LARP4B: variants seen among roughly 807,000 people sequenced by gnomAD.
The protein encoded by LARP4B is la-related protein 4B.
Under a neutral mutation model 89.8 loss-of-function variants are expected in LARP4B, and 12 were observed. The observed-to-expected ratio is 0.13, with a 90% CI of 0.09 to 0.22. LARP4B has a LOEUF of 0.22. LARP4B is among the 10% of genes least tolerant of loss of function. The probability of loss-of-function intolerance (pLI) is 1.00; values close to 1 mark genes in which losing one functional copy is unlikely to be tolerated. For synonymous variants in LARP4B, 367 were observed against 363.3 expected (o/e 1.01, Z -0.12); for missense variants, 757 against 947.7 (o/e 0.80, Z 2.64).
At chr10:880,662 C>T (rs1835634170) in intron 3 of LARP4B, among the ~76,000 whole-genome samples, 1 of 151,680 alleles carries the variant, frequency 6.6e-6, no homozygotes, top group South Asian at 2.1e-4. Context: ...CTATAGCCAG[C>T]CTGAGTAACA....
intron 3 of LARP4B, among the ~76,000 whole-genome samples, chr10:883,947 A>G (rs1234399110): frequency 1.3e-5 from 2 of 152,220 alleles, no homozygotes; most frequent in Admixed American, 6.5e-5. Flanking sequence ...AATTTCCAGT[A>G]GTAGCTCTCT....
chr10:935,144 G>T (rs1188257371), upstream of LARP4B, among the ~76,000 whole-genome samples: 1 of 152,056 alleles, frequency 6.6e-6, no homozygotes, highest in African/African-American at 2.4e-5. Flanking sequence ...GAGCATTTTT[G>T]AAGGTATTGA....
intron 7 of LARP4B, among the ~76,000 whole-genome samples, chr10:839,628 T>C (rs1833415043): frequency 6.6e-6 from 1 of 152,182 alleles, no homozygotes; most frequent in South Asian, 2.1e-4. Context: ...AAACATAAAA[T>C]TAACATGATT....
intron 3 of LARP4B, among the ~76,000 whole-genome samples, chr10:877,654 C>A (rs927696028): frequency 1.3e-5 from 2 of 152,074 alleles, no homozygotes; most frequent in Non-Finnish European, 2.9e-5. Context: ...AGGGGTAAGA[C>A]AGGTGTAGGG....
chr10:847,571 T>C (rs930948014), intron 5 of LARP4B, among the ~76,000 whole-genome samples: 1 of 151,472 alleles, frequency 6.6e-6, no homozygotes, highest in African/African-American at 2.4e-5. Context: ...CAGACTGGAG[T>C]GCAGTAGCGC....
At chr10:915,782 C>T (rs1240435260) in intron 1 of LARP4B, among the ~76,000 whole-genome samples, 1 of 144,996 alleles carries the variant, frequency 6.9e-6, no homozygotes, top group Non-Finnish European at 1.5e-5. Flanking sequence ...GCAGTGAGCC[C>T]AGATGGCGCC....
In LARP4B at chr10:813,113, A is replaced by G. The variant is rs1831834888; in HGVS notation, c.2030T>C (p.Val677Ala). The G allele has an allele frequency of 9.3e-6, 15 of 1,614,076 alleles. No homozygotes were observed. Among genetic ancestry groups the G allele is most frequent in the Admixed American group, 1.7e-5 (1 of 60,030 alleles). Residue 677 changes from valine (V) to alanine (A), a missense_variant, in exon 18 of 18, where the codon GTT becomes GCT. Val to Ala is a moderately conservative substitution (Grantham distance 64). Coordinates refer to ENST00000316157, the MANE Select transcript of LARP4B (RefSeq NM_015155.3). ...QPQKEQKPNT[V>A]GCGKEEKKLA... ...CTTCTTTTCCTCCTTCCCACAACCA[A>G]CAGTGTTTGGCTTTTGTTCTTTTTG...
At chr10:976,920 G>A in the LARP4B span, among the ~76,000 whole-genome samples, 4 of 151,044 alleles carry the variant, frequency 2.6e-5, no homozygotes, top group African/African-American at 4.9e-5. Context: ...GGCCTGTCAC[G>A]TAATGTGCAG....
chr10:930,896 T>TG (rs1280572873), intron 1 of LARP4B, among the ~76,000 whole-genome samples: 2 of 150,980 alleles, frequency 1.3e-5, no homozygotes, highest in Non-Finnish European at 3.0e-5. Context: ...GAGGAGCGAG[T>TG]GGCAAGGCTG....
At chr10:849,030 C>A (rs1588905201) in intron 5 of LARP4B, among the ~76,000 whole-genome samples, 1 of 152,178 alleles carries the variant, frequency 6.6e-6, no homozygotes, top group South Asian at 2.1e-4. Flanking sequence ...CGGCGGCAGA[C>A]TGCCCTGATG....
At chr10:903,237 T>C (rs1240183954) in intron 1 of LARP4B, 1 of 152,236 alleles carries the variant, frequency 6.6e-6, no homozygotes, top group Non-Finnish European at 1.5e-5. Flanking sequence ...GGCTCACTTA[T>C]GCCATCTCTC....
chr10:888,822 C>T (rs1361303514), intron 1 of LARP4B, among the ~76,000 whole-genome samples: 1 of 152,202 alleles, frequency 6.6e-6, no homozygotes, highest in East Asian at 1.9e-4. Flanking sequence ...CGCAGTGGCT[C>T]GCGCCTATAA....
chr10:941,616 C>A, the LARP4B span, among the ~76,000 whole-genome samples: 1 of 152,208 alleles, frequency 6.6e-6, no homozygotes, highest in Non-Finnish European at 1.5e-5. Context: ...CCACTGCACC[C>A]GGCCTGATCT....
At chr10:942,962 T>G in the LARP4B span, among the ~76,000 whole-genome samples, 2 of 151,120 alleles carry the variant, frequency 1.3e-5, no homozygotes, top group African/African-American at 4.9e-5. Context: ...TTTTTTTTTT[T>G]TTGAGACAGA....
At chr10:959,874 T>TC in the LARP4B span, among the ~76,000 whole-genome samples, 12 of 110,064 alleles carry the variant, frequency 1.1e-4, no homozygotes, top group Non-Finnish European at 1.6e-4. Flanking sequence ...TCCTCGTCAA[T>TC]CCACCTCCTC....
At chr10:883,349 T>C (rs1835744411) in intron 3 of LARP4B, among the ~76,000 whole-genome samples, 1 of 152,016 alleles carries the variant, frequency 6.6e-6, no homozygotes, top group South Asian at 2.1e-4. Context: ...ATGTCTCTAC[T>C]GAAAACACAA....
intron 3 of LARP4B, among the ~76,000 whole-genome samples, chr10:868,195 G>A (rs546116958): frequency 2.0e-4 from 31 of 152,040 alleles, no homozygotes; most frequent in African/African-American, 6.5e-4. Flanking sequence ...GGGACTGGCC[G>A]GTGAGGTACA....
the LARP4B span, chr10:972,877 G>A: frequency 2.2e-6 from 1 of 456,892 alleles, no homozygotes. Flanking sequence ...AGTTCTGTCT[G>A]TTGTTTGTTT....
At chr10:947,308 A>T in the LARP4B span, among the ~76,000 whole-genome samples, 1 of 152,250 alleles carries the variant, frequency 6.6e-6, no homozygotes, top group East Asian at 1.9e-4. Flanking sequence ...TCTTTCAGGC[A>T]TGGAAGATAT....
Sources: gnomAD v4.1 joint callset for allele counts (sites outside exome capture counted in the v4.1 genomes callset) on GRCh38, gnomAD v4.1.1 for gene constraint, MANE v1.5 for transcripts, NCBI Gene and HGNC (gene_info 2026-07-23, HGNC 2026-07-21) for gene names.